The following PDGFD variants were observed in gnomAD, a reference collection of about 807,000 sequenced individuals.
PDGFD encodes platelet-derived growth factor D.
In PDGFD, 30 loss-of-function variants were observed where a neutral mutation model predicts 44.7. The observed-to-expected ratio is 0.67, with a 90% CI of 0.50 to 0.91. The LOEUF is 0.91. Among genes scored for constraint, PDGFD ranks in the 40% least tolerant of loss-of-function variants. The pLI, the probability that PDGFD is intolerant of heterozygous loss-of-function variation, is 0.00. For synonymous variants in PDGFD, 173 were observed against 168.4 expected (o/e 1.03, Z -0.21); for missense variants, 445 against 457.8 (o/e 0.97, Z 0.25).
At chr11:104,032,532 T>G (rs140514979) in intron 1 of PDGFD, among the ~76,000 whole-genome samples, 1 of 152,304 alleles carries the variant, frequency 6.6e-6, no homozygotes, top group South Asian at 2.1e-4. Context: ...GTGACATTTA[T>G]GTAGGTATTC....
chr11:104,078,922 A>C (rs1425623265), intron 1 of PDGFD, among the ~76,000 whole-genome samples: 2 of 152,070 alleles, frequency 1.3e-5, no homozygotes. Context: ...GTGTAGGCTT[A>C]CCTGTATTAA....
At chr11:103,979,118 A>G (rs554316465) in intron 3 of PDGFD, among the ~76,000 whole-genome samples, 2 of 152,144 alleles carry the variant, frequency 1.3e-5, no homozygotes, top group Admixed American at 6.6e-5. Context: ...ACCATTGGTC[A>G]TTTTCCTGGA....
At chr11:104,162,549 T>C (rs1862406589) in intron 1 of PDGFD, among the ~76,000 whole-genome samples, 1 of 152,104 alleles carries the variant, frequency 6.6e-6, no homozygotes, top group African/African-American at 2.4e-5. Context: ...ATAAAAACGC[T>C]ATGAAAAAGT....
In PDGFD at chr11:104,036,843, C is replaced by A. The variant is rs777102812; in HGVS notation, c.125-36588G>T. On this transcript the variant is annotated intron_variant, in intron 1 of 6. Transcript: ENST00000393158. ...CCGCCATGCTGATCACCGTGTACTG[C>A]GTGCGGAGGGACCTCTCCGAGGTCA... 15 of 1,613,970 alleles carry A rather than the reference C, an allele frequency of 9.3e-6. No homozygotes were observed. The East Asian group carries it at 2.9e-4, about 31-fold the overall frequency.
chr11:104,157,801 T>C (rs933284447), intron 1 of PDGFD, among the ~76,000 whole-genome samples: 3 of 152,210 alleles, frequency 2.0e-5, no homozygotes, highest in Non-Finnish European at 4.4e-5. Flanking sequence ...GTGTTAAGTG[T>C]TATCATCACA....
At chr11:104,003,390 A>T (rs1399867977) in intron 1 of PDGFD, among the ~76,000 whole-genome samples, 2 of 152,240 alleles carry the variant, frequency 1.3e-5, no homozygotes, top group Non-Finnish European at 2.9e-5. Flanking sequence ...ATAGTTTGTT[A>T]AAAGGAAGAT....
rs951439272 is a variant in PDGFD, at chr11:104,047,122, T to G, written c.125-46867A>C. Among the ~76,000 whole-genome samples the G allele has an allele frequency of 2.0e-5, 3 of 147,568 alleles. No individual in the cohort carries two copies. In the East Asian group the frequency reaches 5.9e-4, roughly 29 times the overall value. ...TCCATGGTATATGTTTGCCACATTT[T>G]CTTCGTCCAGTCTATCATTGATGGG... On this transcript the variant is annotated intron_variant, in intron 1 of 6. Coordinates refer to ENST00000393158, the MANE Select transcript of PDGFD (RefSeq NM_025208.5).
intron 3 of PDGFD, among the ~76,000 whole-genome samples, chr11:103,949,037 C>CT (rs1204688614): frequency 2.4e-5 from 3 of 125,014 alleles, no homozygotes; most frequent in African/African-American, 6.0e-5. Flanking sequence ...GAGTCTCACT[C>CT]TGTCACCCAG....
At chr11:104,104,460 T>C (rs1450120953) in intron 1 of PDGFD, among the ~76,000 whole-genome samples, 1 of 152,176 alleles carries the variant, frequency 6.6e-6, no homozygotes, top group Non-Finnish European at 1.5e-5. Context: ...AAGTGTCTAA[T>C]ACAGGGGTAA....
chr11:103,944,086 C>T lies in PDGFD; in HGVS notation c.574-436G>A, dbSNP rs147732237. 3.9e-5 allele frequency among the ~76,000 whole-genome samples: 6 copies of T among 152,230 alleles called. No homozygotes were observed. In the East Asian group the frequency reaches 7.7e-4, roughly 20 times the overall value. ...TCTCCCACTGTTAAGTTCCACATTCCCCCTTTACAGGTCACCTGGCATTGC... is the reference window on the plus strand; with the variant it reads ...TCTCCCACTGTTAAGTTCCACATTCTCCCTTTACAGGTCACCTGGCATTGC... On this transcript the variant is annotated intron_variant, in intron 4 of 6. Coordinates refer to ENST00000393158, the MANE Select transcript of PDGFD (RefSeq NM_025208.5).
At chr11:104,004,334 C>T (rs1362488744) in intron 1 of PDGFD, among the ~76,000 whole-genome samples, 1 of 152,080 alleles carries the variant, frequency 6.6e-6, no homozygotes, top group Admixed American at 6.6e-5. Context: ...TGTGTCTGTG[C>T]TGAACACATA....
At chr11:104,046,005 T>G (rs1282590749) in intron 1 of PDGFD, among the ~76,000 whole-genome samples, 1 of 146,784 alleles carries the variant, frequency 6.8e-6, no homozygotes, top group Non-Finnish European at 1.5e-5. Context: ...TATTACCAGA[T>G]TGTTATGTTG....
At chr11:104,057,826 T>C (rs1449010048) in intron 1 of PDGFD, among the ~76,000 whole-genome samples, 1 of 152,214 alleles carries the variant, frequency 6.6e-6, no homozygotes, top group Non-Finnish European at 1.5e-5. Flanking sequence ...GATAGCCATA[T>C]ACATCCATAG....
Position 103,993,378 on chromosome 11 carries a change from C to T in PDGFD, c.510+2687G>A, listed in dbSNP as rs906536259. Among the ~76,000 whole-genome samples, 49 of 151,430 alleles carry T rather than the reference C, an allele frequency of 3.2e-4. 1 individual carries two copies. The highest frequency in any genetic ancestry group is 1.7e-3 in the South Asian group (8 of 4,772). ...AGGCCTTAGCCACCACACTCGGCCA[C>T]GAACTAATCTTAAGGCTCATATTTT... On this transcript the variant is annotated intron_variant, in intron 3 of 6. Coordinates refer to ENST00000393158, the MANE Select transcript of PDGFD (RefSeq NM_025208.5).
intron 1 of PDGFD, among the ~76,000 whole-genome samples, chr11:104,022,114 A>G (rs939525271): frequency 1.3e-5 from 2 of 152,210 alleles, no homozygotes; most frequent in African/African-American, 4.8e-5. Context: ...AATAGAGTAG[A>G]AATTTTAATT....
At chr11:104,084,633 T>A (rs1417498566) in intron 1 of PDGFD, among the ~76,000 whole-genome samples, 5 of 147,156 alleles carry the variant, frequency 3.4e-5, no homozygotes, top group Non-Finnish European at 4.5e-5. Context: ...ACATATATAA[T>A]ATATAATATA....
chr11:103,976,328 T>C (rs2134348093), intron 3 of PDGFD, among the ~76,000 whole-genome samples: 1 of 152,178 alleles, frequency 6.6e-6, no homozygotes, highest in East Asian at 1.9e-4. Context: ...ATTTGGCTCT[T>C]TGTTTATTAT....
chr11:104,141,363 T>C (rs1442289481), intron 1 of PDGFD, among the ~76,000 whole-genome samples: 1 of 152,022 alleles, frequency 6.6e-6, no homozygotes, highest in Non-Finnish European at 1.5e-5. Context: ...CGGCAGCACA[T>C]ATACTAAAAT....
At chr11:104,071,481 A>G (rs192140842) in intron 1 of PDGFD, among the ~76,000 whole-genome samples, 1 of 150,902 alleles carries the variant, frequency 6.6e-6, no homozygotes, top group East Asian at 1.9e-4. Context: ...TGTTGGCCAT[A>G]TTTTTCTCAG....
Sources: allele counts gnomAD v4.1 joint callset (sites outside exome capture counted in the v4.1 genomes callset), GRCh38; gene constraint gnomAD v4.1.1; transcripts MANE v1.5; gene names NCBI Gene and HGNC (gene_info 2026-07-23, HGNC 2026-07-21).